Variants in PCSK6 observed in about 807,000 individuals in gnomAD.
The protein encoded by PCSK6 is proprotein convertase subtilisin/kexin type 6, also known as paired basic amino acid cleaving enzyme 4.
In PCSK6, 85 loss-of-function variants were observed where a neutral mutation model predicts 123.3. That is an observed-to-expected ratio of 0.69 (90% CI 0.58 to 0.83). PCSK6 has a LOEUF of 0.83. Among genes scored for constraint, PCSK6 ranks in the 40% least tolerant of loss-of-function variants. The pLI, the probability that PCSK6 is intolerant of heterozygous loss-of-function variation, is 0.00. For missense variants in PCSK6, 1,191 were observed against 1,282.3 expected (o/e 0.93, Z 1.09); for synonymous variants, 508 against 516.0 (o/e 0.98, Z 0.21).
rs983588430 is a variant in PCSK6 at position 101,376,263 on chromosome 15, C to T, written c.1533-5740G>A. On this transcript the variant is annotated intron_variant, in intron 11 of 21. Coordinates refer to ENST00000611716, the MANE Select transcript of PCSK6 (RefSeq NM_002570.5). ...GCAAACCACCATGCCTGGCTCTGTG[C>T]TTTTCTGTTGGTGAATTCACTGTTT... 3.3e-5 allele frequency among the ~76,000 whole-genome samples: 5 copies of T among 152,052 alleles called. No homozygotes were observed. In the East Asian group the frequency reaches 7.8e-4, roughly 24 times the overall value.
intron 13 of PCSK6, among the ~76,000 whole-genome samples, chr15:101,349,625 G>T (rs1339591707): frequency 6.6e-6 from 1 of 152,152 alleles, no homozygotes; most frequent in Non-Finnish European, 1.5e-5. Context: ...CTGGGCTTCT[G>T]TGACAACCTA....
At chr15:101,397,970 G>A (rs966385733) in intron 7 of PCSK6, among the ~76,000 whole-genome samples, 1 of 152,222 alleles carries the variant, frequency 6.6e-6, no homozygotes, top group African/African-American at 2.4e-5. Flanking sequence ...GCGGGGCCTG[G>A]GTGAGCACAT....
At chr15:101,372,698 G>A (rs908705652) in intron 11 of PCSK6, among the ~76,000 whole-genome samples, 6 of 152,158 alleles carry the variant, frequency 3.9e-5, no homozygotes, top group African/African-American at 9.7e-5. Flanking sequence ...ACGGAGAAAC[G>A]TCTATGCCGG....
In PCSK6 at chr15:101,372,506, C is replaced by T. The variant is rs533254520; in HGVS notation, c.1533-1983G>A. On this transcript the variant is annotated intron_variant, in intron 11 of 21. Coordinates refer to ENST00000611716, the MANE Select transcript of PCSK6 (RefSeq NM_002570.5). ...CTTCATTGCCTTCTCCCAAGCTTTA[C>T]TGCTAGTGTTTACTGGCCAGCAGCC... Among the ~76,000 whole-genome samples, 27 of 152,348 alleles carry T rather than the reference C, an allele frequency of 1.8e-4. No individual in the cohort carries two copies. In the East Asian group the frequency reaches 2.9e-3, roughly 16 times the overall value.
At chr15:101,409,745 A>G (rs1034851835) in intron 6 of PCSK6, among the ~76,000 whole-genome samples, 1 of 151,944 alleles carries the variant, frequency 6.6e-6, no homozygotes, top group Non-Finnish European at 1.5e-5. Context: ...TGAGGGCTCC[A>G]CTCACCTCCC....
chr15:101,468,988 G>C (rs2141229226), intron 1 of PCSK6, among the ~76,000 whole-genome samples: 1 of 152,294 alleles, frequency 6.6e-6, no homozygotes, highest in Admixed American at 6.5e-5. Flanking sequence ...GTTGATCAAG[G>C]TGTCGTCGAA....
intron 13 of PCSK6, chr15:101,364,948 C>G: frequency 1.3e-6 from 1 of 769,842 alleles, no homozygotes; most frequent in South Asian, 1.4e-5. Context: ...GTACTGACTC[C>G]AAGATAGATA....
At chr15:101,353,973 CG>C (rs1409960884) in intron 13 of PCSK6, among the ~76,000 whole-genome samples, 2 of 152,198 alleles carry the variant, frequency 1.3e-5, no homozygotes, top group African/African-American at 2.4e-5. Context: ...CAGCACTTCT[CG>C]GGCACTGTTT....
chr15:101,331,594 C>G lies in PCSK6; in HGVS notation c.2077+57G>C, dbSNP rs980304240. 5 of 1,542,886 alleles carry G rather than the reference C, an allele frequency of 3.2e-6. No individual in the cohort carries two copies. The African/African-American group carries it at 5.4e-5, about 17-fold the overall frequency. On this transcript the variant is annotated intron_variant, in intron 15 of 21. Transcript: ENST00000611716. ...ACCCCATTCTGGTTGGGCATATAGACCCTGCTCTCCCAGCTGGGAAGGTTG... is the reference window on the plus strand; with the variant it reads ...ACCCCATTCTGGTTGGGCATATAGAGCCTGCTCTCCCAGCTGGGAAGGTTG...
chr15:101,354,725 C>T (rs2040991830), intron 13 of PCSK6, among the ~76,000 whole-genome samples: 1 of 152,200 alleles, frequency 6.6e-6, no homozygotes, highest in Admixed American at 6.5e-5. Flanking sequence ...GTCCCCGTGC[C>T]CCATCACACA....
chr15:101,380,675 A>G lies in PCSK6; in HGVS notation c.1532+1417T>C, dbSNP rs542021420. 5.9e-5 allele frequency among the ~76,000 whole-genome samples: 9 copies of G among 152,318 alleles called. No homozygotes were observed. In the South Asian group the frequency reaches 1.9e-3, roughly 32 times the overall value. ...TCAAAAGATCCTTCTGTGGCTATTC[A>G]TCCAGCTGCTCAGCCAACACACACT... On this transcript the variant is annotated intron_variant, in intron 11 of 21. Transcript: ENST00000611716.
chr15:101,394,301 G>A (rs567496696), intron 7 of PCSK6, among the ~76,000 whole-genome samples: 21 of 152,176 alleles, frequency 1.4e-4, no homozygotes, highest in South Asian at 1.0e-3. Flanking sequence ...TGTTAAGAAC[G>A]TACACATGAA....
At chr15:101,383,098 A>C (rs1167462560) in intron 10 of PCSK6, among the ~76,000 whole-genome samples, 1 of 152,212 alleles carries the variant, frequency 6.6e-6, no homozygotes, top group Non-Finnish European at 1.5e-5. Flanking sequence ...AATATTTTTC[A>C]GTATACCTGA....
intron 1 of PCSK6, among the ~76,000 whole-genome samples, chr15:101,473,816 G>A (rs187134743): frequency 4.1e-3 from 620 of 152,238 alleles, no homozygotes; most frequent in Non-Finnish European, 6.6e-3. Context: ...CAGAGGTTGC[G>A]GTAAGCTGAG....
intron 6 of PCSK6, among the ~76,000 whole-genome samples, chr15:101,404,531 C>T (rs1025709785): frequency 5.9e-5 from 9 of 152,168 alleles, no homozygotes; most frequent in African/African-American, 2.2e-4. Context: ...AAGAGGCTGG[C>T]AAGATCGTGG....
At chr15:101,483,706 T>A (rs1487416961) in intron 1 of PCSK6, among the ~76,000 whole-genome samples, 1 of 152,222 alleles carries the variant, frequency 6.6e-6, no homozygotes, top group Non-Finnish European at 1.5e-5. Context: ...GCACACAGGT[T>A]AGAGCGAGGG....
chr15:101,383,409 C>CAAAAAAAAAAAAA (rs35670221), intron 10 of PCSK6, among the ~76,000 whole-genome samples: 1 of 76,512 alleles, frequency 1.3e-5, no homozygotes, highest in Non-Finnish European at 2.5e-5. Flanking sequence ...GACTCTGTCT[C>CAAAAAAAAAAAAA]AAAAAAAAAA....
intron 13 of PCSK6, chr15:101,346,593 T>G (rs2040735813): frequency 2.6e-6 from 1 of 383,342 alleles, no homozygotes. Flanking sequence ...ACTTATCTAT[T>G]CTGGGGCGAA....
chr15:101,396,087 C>T (rs2042403920), intron 7 of PCSK6, among the ~76,000 whole-genome samples: 1 of 152,136 alleles, frequency 6.6e-6, no homozygotes, highest in African/African-American at 2.4e-5. Flanking sequence ...GGAGGATTTT[C>T]AGTGACAGAT....
Sources: allele counts gnomAD v4.1 joint callset (sites outside exome capture counted in the v4.1 genomes callset), GRCh38; gene constraint gnomAD v4.1.1; transcripts MANE v1.5; gene names NCBI Gene and HGNC (gene_info 2026-07-23, HGNC 2026-07-21).